Variants in ESYT2 observed in about 807,000 individuals in gnomAD.
ESYT2 encodes the protein extended synaptotagmin-2.
Under a neutral mutation model 107.2 loss-of-function variants are expected in ESYT2, and 54 were observed. The observed-to-expected ratio is 0.50, with a 90% CI of 0.40 to 0.63. ESYT2 has a LOEUF of 0.63. Ranked by LOEUF, ESYT2 falls within the 30% of genes least tolerant of loss-of-function variation. The pLI, the probability that ESYT2 is intolerant of heterozygous loss-of-function variation, is 0.00. For synonymous variants in ESYT2, 491 were observed against 434.1 expected (o/e 1.13, Z -1.63); for missense variants, 1,020 against 1,094.5 (o/e 0.93, Z 0.96).
chr7:158,801,595 CACACAGGA>C (rs144187840), intron 1 of ESYT2, among the ~76,000 whole-genome samples: 17,867 of 151,996 alleles, frequency 0.12, 1,764 homozygotes, highest in East Asian at 0.55. Context: ...AGTCCTCAAT[CACACAGGA>C]ACACAGGAAC....
intron 6 of ESYT2, among the ~76,000 whole-genome samples, chr7:158,775,516 C>T (rs947491139): frequency 6.6e-5 from 10 of 152,220 alleles, no homozygotes; most frequent in African/African-American, 2.2e-4. Flanking sequence ...ACAATGTTTG[C>T]AGCATCTTCA....
intron 13 of ESYT2, among the ~76,000 whole-genome samples, chr7:158,756,073 T>C (rs1837746366): frequency 6.6e-6 from 1 of 152,190 alleles, no homozygotes; most frequent in South Asian, 2.1e-4. Flanking sequence ...TTTTGCCCCC[T>C]ACGCTCCCCC....
chr7:158,783,047 T>G (rs768345223), intron 6 of ESYT2, among the ~76,000 whole-genome samples: 3 of 152,138 alleles, frequency 2.0e-5, no homozygotes, highest in Admixed American at 6.5e-5. Context: ...GACACGTGCC[T>G]CAGGATGCTG....
intron 7 of ESYT2, among the ~76,000 whole-genome samples, chr7:158,769,170 C>T (rs1451757811): frequency 6.6e-6 from 1 of 152,216 alleles, no homozygotes; most frequent in Non-Finnish European, 1.5e-5. Flanking sequence ...TGACCCAGCA[C>T]CTCAAGGACT....
intron 6 of ESYT2, among the ~76,000 whole-genome samples, chr7:158,777,938 C>T (rs536616469): frequency 2.0e-5 from 3 of 152,182 alleles, no homozygotes; most frequent in Non-Finnish European, 4.4e-5. Context: ...CGCTTCACAG[C>T]ACGGACAGGC....
chr7:158,754,510 CT>C (rs771934885), intron 13 of ESYT2, among the ~76,000 whole-genome samples: 112 of 149,026 alleles, frequency 7.5e-4, no homozygotes, highest in Non-Finnish European at 1.4e-3. Flanking sequence ...TGTGCCCGGC[CT>C]TTTTTTTTTA....
intron 1 of ESYT2, among the ~76,000 whole-genome samples, chr7:158,803,109 T>C (rs1301961271): frequency 6.7e-6 from 1 of 148,790 alleles, no homozygotes; most frequent in East Asian, 2.4e-4. Context: ...GGCACAGCAA[T>C]CGAGAGTGTG....
At chr7:158,764,527 C>CT in intron 9 of ESYT2, 150 bp downstream of exon 9, 1 of 831,168 alleles carries the variant, frequency 1.2e-6, no homozygotes, top group South Asian at 1.9e-5. Context: ...AGGTACGACA[C>CT]TTTTTAAAGA....
chr7:158,804,667 G>A (rs939319182), intron 1 of ESYT2, among the ~76,000 whole-genome samples: 5 of 150,158 alleles, frequency 3.3e-5, no homozygotes, highest in South Asian at 4.2e-4. Context: ...AGTGAGGCAC[G>A]TGACAAACCC....
chr7:158,811,957 G>A (rs1235837553), intron 1 of ESYT2, among the ~76,000 whole-genome samples: 1 of 152,226 alleles, frequency 6.6e-6, no homozygotes, highest in Non-Finnish European at 1.5e-5. Context: ...CAGAGCTTCT[G>A]GCAAGATGCT....
At position 158,748,183 on chromosome 7, in the gene ESYT2, A is replaced by G; in HGVS notation, c.1644+11T>C. The G allele has an allele frequency of 6.2e-7, 1 of 1,611,740 alleles. No individual in the cohort carries two copies. On this transcript the variant is annotated intron_variant, in intron 16 of 22. Transcript: ENST00000275418. ...TGTCAATAAATTGGTTAAAAAATGC[A>G]AATAAAATACCTCAACTTCAAGGTC...
chr7:158,765,248 A>G (rs1319335935), intron 8 of ESYT2, among the ~76,000 whole-genome samples: 3 of 152,138 alleles, frequency 2.0e-5, no homozygotes, highest in African/African-American at 7.2e-5. Context: ...GACACAGGCC[A>G]CCCAGCTGTA....
chr7:158,810,072 G>T (rs562769293), intron 1 of ESYT2, among the ~76,000 whole-genome samples: 12 of 152,252 alleles, frequency 7.9e-5, no homozygotes, highest in South Asian at 4.1e-4. Flanking sequence ...CTCATTTGTT[G>T]CCAGTGGTAA....
chr7:158,768,735 A>G (rs1049987173), intron 7 of ESYT2, among the ~76,000 whole-genome samples: 1 of 152,202 alleles, frequency 6.6e-6, no homozygotes, highest in Admixed American at 6.5e-5. Context: ...TACTTTTAAT[A>G]TATCTTTTTT....
chr7:158,742,987 T>C (rs13227227), intron 17 of ESYT2, among the ~76,000 whole-genome samples: 36,088 of 152,194 alleles, frequency 0.24, 5,165 homozygotes, highest in East Asian at 0.59. Context: ...GCTGGCTCTT[T>C]ATTTTAATTT....
chr7:158,735,731 G>C (rs1343975526), intron 20 of ESYT2, 123 bp from the exon 21 acceptor site: 5 of 851,052 alleles, frequency 5.9e-6, no homozygotes, highest in Non-Finnish European at 9.1e-6. Flanking sequence ...TTATAAAACT[G>C]AGTTCTTCTA....
chr7:158,779,932 T>C (rs1215394635), intron 6 of ESYT2, among the ~76,000 whole-genome samples: 6 of 152,220 alleles, frequency 3.9e-5, no homozygotes, highest in Non-Finnish European at 7.3e-5. Context: ...TACAAGACAC[T>C]TAAGTGGTCA....
At chr7:158,805,391 A>G (rs1161475719) in intron 1 of ESYT2, among the ~76,000 whole-genome samples, 1 of 152,226 alleles carries the variant, frequency 6.6e-6, no homozygotes, top group Non-Finnish European at 1.5e-5. Context: ...GCTTCTACAA[A>G]GAAAGTAGTC....
intron 3 of ESYT2, among the ~76,000 whole-genome samples, chr7:158,794,846 C>T (rs937570005): frequency 2.0e-5 from 3 of 152,144 alleles, no homozygotes; most frequent in Non-Finnish European, 4.4e-5. Context: ...GTATTAAAAT[C>T]ACACCTCTCA....
Sources: allele counts gnomAD v4.1 joint callset (sites outside exome capture counted in the v4.1 genomes callset), GRCh38; gene constraint gnomAD v4.1.1; transcripts MANE v1.5; gene names NCBI Gene and HGNC (gene_info 2026-07-23, HGNC 2026-07-21).